Variants in JAK2 observed in about 807,000 individuals in gnomAD.
JAK2 encodes Janus kinase 2, also known as tyrosine-protein kinase JAK2.
Under a neutral mutation model 139.3 loss-of-function variants are expected in JAK2, and 86 were observed. That is an observed-to-expected ratio of 0.62 (90% CI 0.52 to 0.74). The LOEUF is 0.74. Among genes scored for constraint, JAK2 ranks in the 30% least tolerant of loss-of-function variants. JAK2 has a pLI of 0.00. For synonymous variants in JAK2, 490 were observed against 437.7 expected, an observed-to-expected ratio of 1.12 and a Z score of -1.49; for missense variants, 1,421 against 1,360.3, an observed-to-expected ratio of 1.04 and a Z score of -0.70.
chr9:5,013,874 T>C (rs1484476943), intron 2 of JAK2, among the ~76,000 whole-genome samples: 1 of 152,176 alleles, frequency 6.6e-6, no homozygotes, highest in East Asian at 1.9e-4. Context: ...TAAGTAATTT[T>C]ATTATACAAG....
At chr9:5,107,536 A>C (rs949741119) in intron 22 of JAK2, among the ~76,000 whole-genome samples, 8 of 152,162 alleles carry the variant, frequency 5.3e-5, no homozygotes, top group African/African-American at 1.9e-4. Flanking sequence ...CTTAATTTAC[A>C]AAAGAACTCA....
At chr9:5,092,247 A>G (rs1820640978) in intron 22 of JAK2, among the ~76,000 whole-genome samples, 1 of 152,172 alleles carries the variant, frequency 6.6e-6, no homozygotes, top group South Asian at 2.1e-4. Flanking sequence ...AACCAAGAGT[A>G]GAGTGCTTGG....
chr9:5,058,998 T>G (rs1309849921), intron 8 of JAK2, among the ~76,000 whole-genome samples: 2 of 152,216 alleles, frequency 1.3e-5, no homozygotes, highest in Non-Finnish European at 2.9e-5. Flanking sequence ...ACTATGTTGC[T>G]TGTGTCCTTT....
At chr9:5,042,260 C>G (rs1235156559) in intron 4 of JAK2, among the ~76,000 whole-genome samples, 3 of 151,726 alleles carry the variant, frequency 2.0e-5, no homozygotes, top group African/African-American at 7.3e-5. Flanking sequence ...GCCTCAGCCT[C>G]CCAAGTAGCT....
At chr9:5,111,876 A>T (rs1822592904) in intron 22 of JAK2, 6 of 372,958 alleles carry the variant, frequency 1.6e-5, no homozygotes, top group South Asian at 1.2e-4. Context: ...GAGGGACCAC[A>T]GCCAGCAGCT....
chr9:4,996,889 G>A (rs927204244), intron 2 of JAK2, among the ~76,000 whole-genome samples: 3 of 150,794 alleles, frequency 2.0e-5, no homozygotes, highest in Non-Finnish European at 4.4e-5. Context: ...CAGTCTTCAT[G>A]GTGGGAGTTC....
chr9:5,101,751 G>A, intron 22 of JAK2, among the ~76,000 whole-genome samples: 1 of 152,202 alleles, frequency 6.6e-6, no homozygotes, highest in East Asian at 1.9e-4. Flanking sequence ...CAGATACCGA[G>A]GCAAACAGAG....
intron 2 of JAK2, among the ~76,000 whole-genome samples, chr9:5,016,629 A>G (rs1822077234): frequency 6.6e-6 from 1 of 152,246 alleles, no homozygotes; most frequent in South Asian, 2.1e-4. Context: ...ACAAATTTTC[A>G]TAAAGTGAAC....
Position 5,080,430 on chromosome 9 carries a change from A to T in JAK2, c.2283+50A>T, listed in dbSNP as rs374673124. On this transcript the variant is annotated intron_variant, in intron 17 of 24. Transcript: ENST00000381652. Reference sequence around the variant, plus strand: ...AATTACTCTATCTCTGAACTTTCATATTTCTTTCACATGATTTGTATTTTT... The same window carrying T: ...AATTACTCTATCTCTGAACTTTCATTTTTCTTTCACATGATTTGTATTTTT... 4.2e-4 allele frequency: 650 copies of T among 1,549,240 alleles called. 5 individuals carry two copies. In the South Asian group the frequency reaches 4.5e-3, roughly 11 times the overall value.
At chr9:5,014,976 A>G (rs1418082156) in intron 2 of JAK2, among the ~76,000 whole-genome samples, 1 of 151,966 alleles carries the variant, frequency 6.6e-6, no homozygotes, top group Non-Finnish European at 1.5e-5. Context: ...GTATATGCCT[A>G]AACAATGTAC....
chr9:4,995,225 G>A (rs1213362128), intron 2 of JAK2, among the ~76,000 whole-genome samples: 1 of 152,110 alleles, frequency 6.6e-6, no homozygotes, highest in Non-Finnish European at 1.5e-5. Flanking sequence ...TGGATTTGTG[G>A]TCCTTTTACT....
intron 19 of JAK2, among the ~76,000 whole-genome samples, chr9:5,086,349 T>G (rs974751786): frequency 2.0e-5 from 3 of 152,040 alleles, no homozygotes; most frequent in Middle Eastern, 3.4e-3. Flanking sequence ...CTCCTAGCGG[T>G]TTTGAAATCC....
chr9:5,117,631 C>T (rs1167807532), intron 22 of JAK2, among the ~76,000 whole-genome samples: 1 of 151,938 alleles, frequency 6.6e-6, no homozygotes, highest in Non-Finnish European at 1.5e-5. Flanking sequence ...CCATAAAATA[C>T]ATTACTTATG....
intron 4 of JAK2, among the ~76,000 whole-genome samples, chr9:5,036,426 C>G (rs1823606002): frequency 6.6e-6 from 1 of 152,078 alleles, no homozygotes; most frequent in South Asian, 2.1e-4. Flanking sequence ...CAAGTCAATC[C>G]TAAGCCAAAA....
intron 5 of JAK2, among the ~76,000 whole-genome samples, chr9:5,046,809 A>C (rs966089346): frequency 6.6e-6 from 1 of 152,072 alleles, no homozygotes; most frequent in Non-Finnish European, 1.5e-5. Flanking sequence ...GGATATTATG[A>C]GGTTACAACT....
At chr9:5,048,956 GCTTT>G (rs756926379) in intron 5 of JAK2, among the ~76,000 whole-genome samples, 11 of 151,894 alleles carry the variant, frequency 7.2e-5, no homozygotes, top group Non-Finnish European at 1.6e-4. Flanking sequence ...TTGTACTTCT[GCTTT>G]CTTTTTCTTT....
intron 22 of JAK2, chr9:5,100,059 T>A (rs1432907908): frequency 6.6e-6 from 1 of 152,208 alleles, no homozygotes; most frequent in African/African-American, 2.4e-5. Context: ...TAGTCAGTCA[T>A]CTACTAATAC....
chr9:5,072,823 A>C (rs969036730), intron 13 of JAK2, among the ~76,000 whole-genome samples, 197 bp downstream of exon 13: 1 of 152,216 alleles, frequency 6.6e-6, no homozygotes, highest in African/African-American at 2.4e-5. Context: ...AATTAATTCC[A>C]AACTAATTAT....
At position 5,081,924 on chromosome 9, in the gene JAK2, G is replaced by A. The variant is rs575680695; in HGVS notation, c.2571+63G>A. 4.3e-4 allele frequency: 573 copies of A among 1,321,778 alleles called. 7 individuals carry two copies. In the South Asian group the frequency reaches 6.0e-3, roughly 14 times the overall value. The allele number at this position is 1,321,778 out of a possible 1,614,324, so 81.9% of individuals were successfully genotyped here. On this transcript the variant is annotated intron_variant, in intron 19 of 24. Transcript: ENST00000381652. ...TTTCATTTAGGAAAAACTTAAGAGCGTTTCTAAAGTTCACTTTCTACAACA... is the reference window on the plus strand; with the variant it reads ...TTTCATTTAGGAAAAACTTAAGAGCATTTCTAAAGTTCACTTTCTACAACA...
Sources: allele counts gnomAD v4.1 joint callset (sites outside exome capture counted in the v4.1 genomes callset), GRCh38; gene constraint gnomAD v4.1.1; transcripts MANE v1.5; gene names NCBI Gene and HGNC (gene_info 2026-07-23, HGNC 2026-07-21).